SRPK2: variants seen among roughly 807,000 people sequenced by gnomAD.
The protein encoded by SRPK2 is SRSF protein kinase 2, also known as SFRS protein kinase 2.
Under a neutral mutation model 90.8 loss-of-function variants are expected in SRPK2, and 21 were observed. That is an observed-to-expected ratio of 0.23 (90% CI 0.16 to 0.33). The LOEUF is 0.33. Ranked by LOEUF, SRPK2 falls within the 10% of genes least tolerant of loss-of-function variation. The probability of loss-of-function intolerance (pLI) is 1.00; values close to 1 mark genes in which losing one functional copy is unlikely to be tolerated. For synonymous variants in SRPK2, 288 were observed against 311.1 expected (o/e 0.93, Z 0.78); for missense variants, 620 against 869.0 (o/e 0.71, Z 3.60).
chr7:105,352,258 C>T (rs1400412197), intron 2 of SRPK2, among the ~76,000 whole-genome samples: 1 of 152,206 alleles, frequency 6.6e-6, no homozygotes, highest in East Asian at 1.9e-4. Context: ...GGGCTGTACC[C>T]AGTAACTCCC....
At chr7:105,349,321 A>G (rs901242105) in intron 2 of SRPK2, among the ~76,000 whole-genome samples, 2 of 151,578 alleles carry the variant, frequency 1.3e-5, no homozygotes, top group East Asian at 3.9e-4. Context: ...TTGGGAGTTC[A>G]AGACCAGCCC....
chr7:105,330,238 G>A (rs1213077388), intron 2 of SRPK2, among the ~76,000 whole-genome samples: 1 of 151,894 alleles, frequency 6.6e-6, no homozygotes, highest in Non-Finnish European at 1.5e-5. Flanking sequence ...TACTCAGGAG[G>A]CTGAGGCAGA....
intron 2 of SRPK2, among the ~76,000 whole-genome samples, chr7:105,209,768 AAC>A (rs760097661): frequency 3.3e-5 from 5 of 152,092 alleles, no homozygotes; most frequent in Admixed American, 6.6e-5. Context: ...AAAAAAGAAA[AAC>A]ACAGCACTTC....
intron 2 of SRPK2, among the ~76,000 whole-genome samples, chr7:105,313,738 G>A (rs891282571): frequency 4.0e-5 from 6 of 151,532 alleles, no homozygotes; most frequent in South Asian, 2.1e-4. Context: ...ACAACAGAGC[G>A]AGACTCTGTC....
intron 2 of SRPK2, among the ~76,000 whole-genome samples, chr7:105,323,953 G>A (rs537719025): frequency 6.8e-6 from 1 of 147,458 alleles, no homozygotes; most frequent in African/African-American, 2.5e-5. Context: ...AAAAGACTTT[G>A]GTCAGACTAT....
At chr7:105,133,141 G>T (rs990287390) in intron 11 of SRPK2, 37 bp from the exon 12 acceptor site, 1 of 1,600,216 alleles carries the variant, frequency 6.2e-7, no homozygotes, top group Non-Finnish European at 8.6e-7. Context: ...TAGTGATCGG[G>T]ATAGGTGGTT....
At chr7:105,115,145 A>ATACTC (rs1562941740), downstream of SRPK2, 1 of 152,356 alleles carries the variant, frequency 6.6e-6, no homozygotes, top group South Asian at 2.1e-4. Flanking sequence ...GATGAAGTAT[A>ATACTC]TACTCTAAAA....
chr7:105,332,186 A>G (rs1224373848), intron 2 of SRPK2, among the ~76,000 whole-genome samples: 1 of 152,210 alleles, frequency 6.6e-6, no homozygotes, highest in African/African-American at 2.4e-5. Context: ...AGGGAAATGT[A>G]CATTCCTCAC....
At chr7:105,332,483 G>T (rs922603380) in intron 2 of SRPK2, among the ~76,000 whole-genome samples, 1 of 152,160 alleles carries the variant, frequency 6.6e-6, no homozygotes, top group Non-Finnish European at 1.5e-5. Flanking sequence ...CACTTTGTAG[G>T]CCAGGCGCAG....
At chr7:105,146,709 A>T (rs748101793) in intron 7 of SRPK2, 51 bp from the exon 8 acceptor site, 2 of 1,551,544 alleles carry the variant, frequency 1.3e-6, no homozygotes. Flanking sequence ...ATCTCATTAT[A>T]TAACTTTTAT....
chr7:105,115,550 G>A (rs1042821866), downstream of SRPK2: 1 of 152,188 alleles, frequency 6.6e-6, no homozygotes, highest in African/African-American at 2.4e-5. Flanking sequence ...AAGTCAGAGA[G>A]CTAGTTATAA....
In SRPK2 at chr7:105,282,457, T is replaced by C. The variant is rs182358337; in HGVS notation, c.72-78672A>G. Reference sequence around the variant, plus strand: ...ATGAAAAGCACAAGGAATAAAAGAATAGATAAATAAACTTAACATCATAAA... The same window carrying C: ...ATGAAAAGCACAAGGAATAAAAGAACAGATAAATAAACTTAACATCATAAA... On this transcript the variant is annotated intron_variant, in intron 2 of 15. Coordinates refer to ENST00000393651, the MANE Select transcript of SRPK2 (RefSeq NM_182692.3). Among the ~76,000 whole-genome samples the C allele has an allele frequency of 2.0e-3, 306 of 151,932 alleles. 3 individuals carry two copies. Among genetic ancestry groups the C allele is most frequent in the African/African-American group, 7.0e-3 (291 of 41,532 alleles).
chr7:105,230,926 T>G (rs1343221731), intron 2 of SRPK2, among the ~76,000 whole-genome samples: 1 of 152,220 alleles, frequency 6.6e-6, no homozygotes, highest in Non-Finnish European at 1.5e-5. Context: ...TTGAATTTAT[T>G]ACAAGCAAAA....
Position 105,307,979 on chromosome 7 carries a change from C to T in SRPK2, c.71+80669G>A, listed in dbSNP as rs545074806. Among the ~76,000 whole-genome samples, 6 of 152,264 alleles carry T rather than the reference C, an allele frequency of 3.9e-5. 1 individual carries two copies. Among genetic ancestry groups the T allele is most frequent in the Admixed American group, 2.6e-4 (4 of 15,290 alleles). ...TCTCCTAAGATTGTGGTGAGGTTAACACAAAATAACATATGCGAAAGTATT... is the reference window on the plus strand; with the variant it reads ...TCTCCTAAGATTGTGGTGAGGTTAATACAAAATAACATATGCGAAAGTATT... On this transcript the variant is annotated intron_variant, in intron 2 of 15. Transcript: ENST00000393651.
chr7:105,287,826 CT>C lies in SRPK2; in HGVS notation c.72-84042del, dbSNP rs544865768. ...AGGAAACATAGGCAGGAAGATCTACCTTTATTTGCACTTTAATTTTTTACAG... is the reference window on the plus strand; with the variant it reads ...AGGAAACATAGGCAGGAAGATCTACCTTATTTGCACTTTAATTTTTTACAG... On this transcript the variant is annotated intron_variant, in intron 2 of 15. Coordinates refer to ENST00000393651, the MANE Select transcript of SRPK2 (RefSeq NM_182692.3). Among the ~76,000 whole-genome samples the C allele has an allele frequency of 2.6e-5, 4 of 152,248 alleles. No individual in the cohort carries two copies. In the East Asian group the frequency reaches 7.7e-4, roughly 29 times the overall value.
intron 3 of SRPK2, among the ~76,000 whole-genome samples, chr7:105,181,415 C>T (rs1300404948): frequency 1.3e-5 from 2 of 152,156 alleles, no homozygotes; most frequent in Non-Finnish European, 2.9e-5. Context: ...CACACGCACG[C>T]ACGTGTATGT....
chr7:105,155,856 T>C (rs1191537896), intron 7 of SRPK2, among the ~76,000 whole-genome samples: 1 of 152,196 alleles, frequency 6.6e-6, no homozygotes. Context: ...TCAAGATGAT[T>C]ACCAGTGAGT....
intron 2 of SRPK2, among the ~76,000 whole-genome samples, chr7:105,229,983 T>G (rs570489514): frequency 5.9e-5 from 9 of 152,290 alleles, no homozygotes; most frequent in Admixed American, 3.9e-4. Context: ...GACGTGGGAC[T>G]GAACTGGATC....
chr7:105,152,458 T>A (rs1297951652), intron 7 of SRPK2, among the ~76,000 whole-genome samples: 3 of 152,156 alleles, frequency 2.0e-5, no homozygotes, highest in African/African-American at 7.2e-5. Context: ...CCAGAACTAC[T>A]ATTTTTAAAT....
Sources: gnomAD v4.1 joint callset for allele counts (sites outside exome capture counted in the v4.1 genomes callset) on GRCh38, gnomAD v4.1.1 for gene constraint, MANE v1.5 for transcripts, NCBI Gene and HGNC (gene_info 2026-07-23, HGNC 2026-07-21) for gene names.